ODC1: variants seen among roughly 807,000 people sequenced by gnomAD.
The protein encoded by ODC1 is ornithine decarboxylase.
Under a neutral mutation model 41.5 loss-of-function variants are expected in ODC1, and 18 were observed. That is an observed-to-expected ratio of 0.43 (90% CI 0.30 to 0.64). The LOEUF (loss-of-function observed/expected upper bound fraction) is 0.64. Among genes scored for constraint, ODC1 ranks in the 30% least tolerant of loss-of-function variants. The pLI, the probability that ODC1 is intolerant of heterozygous loss-of-function variation, is 0.11. For synonymous variants in ODC1, 218 were observed against 211.6 expected (o/e 1.03, Z -0.26); for missense variants, 504 against 589.0 (o/e 0.86, Z 1.49).
In ODC1 at chr2:10,448,207, C is replaced by T; in HGVS notation, c.-214G>A. ...TCGCAGCCGCAGGAGCGCTCGGCCG[C>T]CCCCGCCGCGCCCGTCAGCGCCTGG... On this transcript the variant is annotated 5_prime_UTR_variant, in exon 1 of 12. Coordinates refer to ENST00000234111, the MANE Select transcript of ODC1 (RefSeq NM_002539.3). The T allele has an allele frequency of 5.2e-6, 1 of 193,630 alleles. No individual in the cohort carries two copies. Among genetic ancestry groups the T allele is most frequent in the Non-Finnish European group, 1.0e-5 (1 of 96,194 alleles). 12.0% of individuals were successfully genotyped at this position (193,630 alleles called of 1,614,324 possible).
rs1671959068 is a variant in ODC1 at position 10,444,963 on chromosome 2, G to A, written c.70C>T (p.Leu24=). The change falls in exon 3 of 12, where the codon CTG becomes TTG. Residue 24 remains leucine (L), a synonymous_variant. Coordinates refer to ENST00000234111, the MANE Select transcript of ODC1 (RefSeq NM_002539.3). ...GAAACTTCATTAATTTTCTGGTCCA[G>A]AATGTCCTTGGCAGTAAAACCTTCA... is the stretch of plus-strand genomic sequence containing the variant. ...LDEGFTAKDI[L]DQKINEVSSS... 2 of 1,613,470 alleles carry A rather than the reference G, an allele frequency of 1.2e-6. No individual in the cohort carries two copies. The highest frequency in any genetic ancestry group is 1.7e-6 in the Non-Finnish European group (2 of 1,179,420).
Position 10,442,162 on chromosome 2 carries a change from T to C in ODC1, c.763A>G (p.Ile255Val). 1 of 1,604,622 alleles carries C rather than the reference T, an allele frequency of 6.2e-7. No individual in the cohort carries two copies. Among genetic ancestry groups the C allele is most frequent in the Non-Finnish European group, 8.5e-7 (1 of 1,176,814 alleles). The change falls in exon 9 of 12, where the codon ATC becomes GTC. Residue 255 changes from isoleucine (I) to valine (V), a missense_variant. Transcript: ENST00000234111. ...AAGTATTTGTCCAACGCTGGGTTGATTACGCCGGTGATCTAAGAGAGTGAA... is the reference window on the plus strand; with the variant it reads ...AAGTATTTGTCCAACGCTGGGTTGACTACGCCGGTGATCTAAGAGAGTGAA... The part of the protein sequence containing the change: ...KLKFEEITGV[I>V]NPALDKYFPS...
At chr2:10,447,863 T>G (rs1672083995) in intron 1 of ODC1, 1 of 152,110 alleles carries the variant, frequency 6.6e-6, no homozygotes, top group South Asian at 2.1e-4. Flanking sequence ...GGTCTCCGGG[T>G]GGGTCTCCCC....
At chr2:10,447,739 G>T (rs2148074013) in intron 1 of ODC1, 1 of 152,198 alleles carries the variant, frequency 6.6e-6, no homozygotes, top group Admixed American at 6.5e-5. Context: ...ACCAAGGCGA[G>T]CCCGGGCTCT....
chr2:10,443,230 C>T lies in ODC1; in HGVS notation c.750G>A (p.Glu250=). 3 of 1,606,630 alleles carry T rather than the reference C, an allele frequency of 1.9e-6. No homozygotes were observed. The highest frequency in any genetic ancestry group is 2.5e-6 in the Non-Finnish European group (3 of 1,177,154). ...GTATTACAGTTTTGTTCTAAATTACCTCTTCAAATTTAAGTTTCACATCCT... is the reference window on the plus strand; with the variant it reads ...GTATTACAGTTTTGTTCTAAATTACTTCTTCAAATTTAAGTTTCACATCCT... ...GSEDVKLKFE[E]ITGVINPALD... is the part of the protein sequence containing the mutation. The change falls in exon 8 of 12, where the codon GAG becomes GAA. Residue 250 remains glutamate, a splice_region_variant and synonymous_variant. Coordinates refer to ENST00000234111, the MANE Select transcript of ODC1 (RefSeq NM_002539.3).
At chr2:10,445,074 G>C in intron 2 of ODC1, 25 bp from the exon 3 acceptor site, 1 of 1,266,896 alleles carries the variant, frequency 7.9e-7, no homozygotes, top group East Asian at 2.3e-5. Flanking sequence ...AATGCAAATA[G>C]AGTGGAGAAA....
chr2:10,444,440 T>C (rs1438502581), intron 4 of ODC1, 34 bp downstream of exon 4: 3 of 1,571,664 alleles, frequency 1.9e-6, no homozygotes, highest in Non-Finnish European at 2.6e-6. Flanking sequence ...GCCCATTTTA[T>C]ACAACGCTTT....
rs936007641 is a variant in ODC1, at chr2:10,441,016, G to C, written c.1242-148C>G. 3 of 929,948 alleles carry C rather than the reference G, an allele frequency of 3.2e-6. No homozygotes were observed. The Admixed American group carries it at 8.4e-5, about 26-fold the overall frequency. The allele number at this position is 929,948 out of a possible 1,614,324, so 57.6% of individuals were successfully genotyped here. On this transcript the variant is annotated intron_variant, in intron 11 of 11. Coordinates refer to ENST00000234111, the MANE Select transcript of ODC1 (RefSeq NM_002539.3). ...CTGTTACTCAGGCTGGAATACAATG[G>C]TGCTATCATAGCTCACCGCAGCCTC...
At chr2:10,444,713 G>T in intron 3 of ODC1, 66 bp from the exon 4 acceptor site, 2 of 1,407,344 alleles carry the variant, frequency 1.4e-6, no homozygotes, top group Non-Finnish European at 2.0e-6. Flanking sequence ...AATAGCCAGC[G>T]ACCTTCATTC....
chr2:10,443,200 A>AGTATTATTAGAATGG (rs746795611), intron 8 of ODC1, 30 bp downstream of exon 8: 1 of 1,517,898 alleles, frequency 6.6e-7, no homozygotes, highest in Admixed American at 1.9e-5. Flanking sequence ...TAGAACGGCT[A>AGTATTATTAGAATGG]CTGAGTATTA....
chr2:10,440,651 A>C lies in ODC1; in HGVS notation c.*73T>G. The stretch of plus-strand genomic sequence containing the variant: ...ACAAAGACATTTCAAAACTAGCAGT[A>C]ATTAAGTTACATGGTCCCCCCAAAT... On this transcript the variant is annotated 3_prime_UTR_variant, in exon 12 of 12. Transcript: ENST00000234111. The C allele has an allele frequency of 2.0e-6, 3 of 1,498,758 alleles. No individual in the cohort carries two copies. The highest frequency in any genetic ancestry group is 2.7e-6 in the Non-Finnish European group (3 of 1,096,580). The allele number at this position is 1,498,758 out of a possible 1,614,324, so 92.8% of individuals were successfully genotyped here.
At chr2:10,441,100 C>T (rs1671805434) in intron 11 of ODC1, among the ~76,000 whole-genome samples, 1 of 152,048 alleles carries the variant, frequency 6.6e-6, no homozygotes, top group South Asian at 2.1e-4. Context: ...CTACAGGCGC[C>T]CACTACCATG....
At chr2:10,445,449 A>C (rs28362391) in intron 1 of ODC1, among the ~76,000 whole-genome samples, 185 bp from the exon 2 acceptor site, 2,933 of 152,290 alleles carry the variant, frequency 0.019, 79 homozygotes, top group African/African-American at 0.067. Context: ...ATAAGGACAC[A>C]ACAAAAAATA....
chr2:10,447,170 C>G, intron 1 of ODC1, among the ~76,000 whole-genome samples: 1 of 152,134 alleles, frequency 6.6e-6, no homozygotes. Context: ...TAAGGCGTTA[C>G]TTAAGTAACT....
chr2:10,441,738 G>C lies in ODC1; in HGVS notation c.1027-15C>G. ...GGTTTAGGTCTCTATATAAAGAGAC[G>C]GAGAGAGGAAGTACTACTTAATTAC... is the stretch of plus-strand genomic sequence containing the variant. On this transcript the variant is annotated splice_polypyrimidine_tract_variant and intron_variant, in intron 10 of 11. Transcript: ENST00000234111. 1 of 1,611,582 alleles carries C rather than the reference G, an allele frequency of 6.2e-7. No homozygotes were observed.
intron 1 of ODC1, among the ~76,000 whole-genome samples, chr2:10,446,259 G>A (rs1242893606): frequency 6.6e-6 from 1 of 151,484 alleles, no homozygotes; most frequent in African/African-American, 2.4e-5. Context: ...TCAGTCTCCC[G>A]AGTAGCTGGG....
Position 10,445,106 on chromosome 2 carries a change from T to C in ODC1, c.-18+49A>G, listed in dbSNP as rs531820365. 110 of 893,188 alleles carry C rather than the reference T, an allele frequency of 1.2e-4. 1 individual carries two copies. The East Asian group carries it at 2.4e-3, about 19-fold the overall frequency. The allele number at this position is 893,188 out of a possible 1,614,324, so 55.3% of individuals were successfully genotyped here. A position where few individuals can be genotyped will look rare whatever the true frequency, so the allele number is the denominator to read the frequency against. On this transcript the variant is annotated intron_variant, in intron 2 of 11. Coordinates refer to ENST00000234111, the MANE Select transcript of ODC1 (RefSeq NM_002539.3). ...GAAATTCACTTAGAAGCCTTAGCAA[T>C]ACAATTCTTAAGATTAACCTGCAAC... is the stretch of plus-strand genomic sequence containing the variant.
Position 10,445,208 on chromosome 2 carries a change from C to T in ODC1, c.-71G>A, listed in dbSNP as rs780059615. 1.8e-6 allele frequency: 1 copy of T among 543,110 alleles called. No homozygotes were observed. The highest frequency in any genetic ancestry group is 3.3e-6 in the Non-Finnish European group (1 of 303,048). The allele number at this position is 543,110 out of a possible 1,614,324, so 33.6% of individuals were successfully genotyped here. ...AAATATTTCCAGCTTCTCACAAAGG[C>T]AACTCTCCAGGAATTCCAAATCCCT... On this transcript the variant is annotated 5_prime_UTR_variant, in exon 2 of 12. Transcript: ENST00000234111.
chr2:10,444,693 AC>A, intron 3 of ODC1, 46 bp from the exon 4 acceptor site: 18 of 1,536,804 alleles, frequency 1.2e-5, no homozygotes, highest in Non-Finnish European at 1.5e-5. Context: ...GCCTCACCAC[AC>A]ACCACACCAA....
Sources: allele counts gnomAD v4.1 joint callset (sites outside exome capture counted in the v4.1 genomes callset), GRCh38; gene constraint gnomAD v4.1.1; transcripts MANE v1.5; gene names NCBI Gene and HGNC (gene_info 2026-07-23, HGNC 2026-07-21).